The following HEATR5A variants were observed in gnomAD, a reference collection of about 807,000 sequenced individuals.
HEATR5A encodes HEAT repeat containing 5A.
Under a neutral mutation model 218.8 loss-of-function variants are expected in HEATR5A, and 178 were observed. The ratio of observed to expected loss-of-function variants is 0.81; its 90% CI spans 0.72 to 0.92. HEATR5A has a LOEUF of 0.92. HEATR5A is among the 40% of genes least tolerant of loss of function. HEATR5A has a pLI of 0.00. For synonymous variants in HEATR5A, 864 were observed against 871.6 expected (o/e 0.99, Z 0.15); for missense variants, 2,420 against 2,418.9 (o/e 1.00, Z -0.01).
At chr14:31,370,706 T>C (rs150367740) in intron 13 of HEATR5A, among the ~76,000 whole-genome samples, 28 of 152,316 alleles carry the variant, frequency 1.8e-4, no homozygotes, top group Non-Finnish European at 4.0e-4. Context: ...AGAATCAATA[T>C]GTTGTTGTAT....
intron 20 of HEATR5A, among the ~76,000 whole-genome samples, 200 bp from the exon 21 acceptor site, chr14:31,344,265 A>ATTTTTTTTTTTTTT (rs1245011736): frequency 3.6e-5 from 2 of 54,922 alleles, no homozygotes; most frequent in African/African-American, 4.8e-5. Context: ...TAGATTAGTT[A>ATTTTTTTTTTTTTT]TTCTTTTTTT....
At position 31,345,874 on chromosome 14, in the gene HEATR5A, T is replaced by C. The variant is rs1298137269; in HGVS notation, c.2869-598A>G. On this transcript the variant is annotated intron_variant, in intron 19 of 35. Transcript: ENST00000543095. ...ACATAATGTACTGTTTGTACATAGA[T>C]ATGTGCATTTATGGCAGGTGCGCAC... is the stretch of plus-strand genomic sequence containing the variant. Among the ~76,000 whole-genome samples the C allele has an allele frequency of 2.6e-5, 4 of 151,654 alleles. No homozygotes were observed. The South Asian group carries it at 6.3e-4, about 24-fold the overall frequency.
At chr14:31,356,786 G>A (rs533149901) in intron 16 of HEATR5A, among the ~76,000 whole-genome samples, 7 of 152,070 alleles carry the variant, frequency 4.6e-5, no homozygotes, top group Admixed American at 3.9e-4. Context: ...CAATAAATCC[G>A]AAAAGAAAAC....
intron 28 of HEATR5A, among the ~76,000 whole-genome samples, chr14:31,311,463 G>A (rs546425699): frequency 4.0e-5 from 6 of 151,792 alleles, no homozygotes; most frequent in Non-Finnish European, 8.8e-5. Flanking sequence ...CCAGGCTGGA[G>A]TACAGTGGCA....
Position 31,370,711 on chromosome 14 carries a change from T to C in HEATR5A, c.1961+1099A>G, listed in dbSNP as rs890131044. On this transcript the variant is annotated intron_variant, in intron 13 of 35. Coordinates refer to ENST00000543095, the MANE Select transcript of HEATR5A (RefSeq NM_015473.4). ...CATTGACAAGAGAATCAATATGTTGTTGTATATTCACACAATTAAATATTA... is the reference window on the plus strand; with the variant it reads ...CATTGACAAGAGAATCAATATGTTGCTGTATATTCACACAATTAAATATTA... 3.9e-5 allele frequency among the ~76,000 whole-genome samples: 6 copies of C among 152,332 alleles called. 1 individual carries two copies. Among genetic ancestry groups the C allele is most frequent in the Middle Eastern group, 6.8e-3 (2 of 294 alleles).
At chr14:31,349,758 C>A in intron 18 of HEATR5A, 31 bp downstream of exon 18, 2 of 1,482,932 alleles carry the variant, frequency 1.3e-6, no homozygotes, top group East Asian at 4.6e-5. Context: ...TGAAACATAG[C>A]CTCTGAATAT....
chr14:31,398,997 C>G (rs1309078854), intron 3 of HEATR5A, among the ~76,000 whole-genome samples: 1 of 152,048 alleles, frequency 6.6e-6, no homozygotes, highest in Non-Finnish European at 1.5e-5. Context: ...CTAAGAAACA[C>G]TGCCAAAGCC....
intron 6 of HEATR5A, among the ~76,000 whole-genome samples, chr14:31,390,808 GTATT>G (rs1206934409): frequency 2.6e-5 from 4 of 151,394 alleles, no homozygotes; most frequent in Non-Finnish European, 5.9e-5. Flanking sequence ...ACTGGTTTAT[GTATT>G]TATTATACTT....
rs1310171193 is a variant in HEATR5A, at chr14:31,334,960, A to G, written c.3367+2516T>C. Among the ~76,000 whole-genome samples the G allele has an allele frequency of 2.0e-3, 299 of 151,300 alleles. 1 individual carries two copies. The highest frequency in any genetic ancestry group is 4.2e-3 in the South Asian group (20 of 4,794). ...GATTCCATCTCAAAAAAAAAAAAAAAAAAAAGAAAAAGAAATCGCCACAGC... is the reference window on the plus strand; with the variant it reads ...GATTCCATCTCAAAAAAAAAAAAAAGAAAAAGAAAAAGAAATCGCCACAGC... On this transcript the variant is annotated intron_variant, in intron 22 of 35. Transcript: ENST00000543095.
intron 3 of HEATR5A, among the ~76,000 whole-genome samples, chr14:31,400,073 G>A (rs1256435143): frequency 1.3e-5 from 2 of 152,184 alleles, no homozygotes; most frequent in Non-Finnish European, 2.9e-5. Context: ...TTAGGAAGAT[G>A]TTTTGAATCT....
At chr14:31,330,779 A>G (rs1194447987) in intron 22 of HEATR5A, among the ~76,000 whole-genome samples, 1 of 151,374 alleles carries the variant, frequency 6.6e-6, no homozygotes, top group Non-Finnish European at 1.5e-5. Flanking sequence ...CGACAGAGTG[A>G]GACTCTGTCT....
chr14:31,418,647 A>C (rs748155334), intron 1 of HEATR5A, among the ~76,000 whole-genome samples: 2 of 152,228 alleles, frequency 1.3e-5, no homozygotes, highest in African/African-American at 4.8e-5. Context: ...TCTCCTGAAA[A>C]AGCAGAAGTG....
At chr14:31,394,661 A>G (rs2030585203) in intron 5 of HEATR5A, among the ~76,000 whole-genome samples, 1 of 151,796 alleles carries the variant, frequency 6.6e-6, no homozygotes, top group African/African-American at 2.4e-5. Flanking sequence ...TAAAAATACA[A>G]AAAAAAATTA....
At chr14:31,352,657 A>G (rs772970837) in intron 16 of HEATR5A, among the ~76,000 whole-genome samples, 2 of 152,148 alleles carry the variant, frequency 1.3e-5, no homozygotes, top group Admixed American at 6.5e-5. Flanking sequence ...TATAAAATCA[A>G]TTTATAAAAT....
At chr14:31,389,931 A>T (rs527505084) in intron 6 of HEATR5A, among the ~76,000 whole-genome samples, 32 of 152,264 alleles carry the variant, frequency 2.1e-4, no homozygotes, top group Middle Eastern at 3.4e-3. Flanking sequence ...GTGATTAAAA[A>T]CCATGCAGAA....
chr14:31,302,442 C>T lies in HEATR5A; in HGVS notation c.5317G>A (p.Gly1773Ser). The T allele has an allele frequency of 6.3e-7, 1 of 1,597,770 alleles. No individual in the cohort carries two copies. Among genetic ancestry groups the T allele is most frequent in the Non-Finnish European group, 8.5e-7 (1 of 1,171,434 alleles). ...LRETAVKLPGGQLSSTVAASL... is the reference protein window; with the variant it reads ...LRETAVKLPGSQLSSTVAASL... ...GCTGCAACTGTCGAAGATAACTGGC[C>T]CCCAGGTAACTTCACAGCAGTCTCT... The change falls in exon 33 of 36, where the codon GGC (glycine) becomes AGC (serine). Residue 1773 changes from glycine (G) to serine (S), a missense_variant. Physicochemically the swap from Gly to Ser is moderately conservative, Grantham distance 56. Transcript: ENST00000543095.
chr14:31,306,276 G>C (rs1275223713), intron 31 of HEATR5A, among the ~76,000 whole-genome samples: 2 of 152,192 alleles, frequency 1.3e-5, no homozygotes, highest in South Asian at 2.1e-4. Context: ...CCAGGAGTTC[G>C]AGAGACCAGG....
Position 31,383,434 on chromosome 14 carries a change from A to G in HEATR5A, c.1596+87T>C, listed in dbSNP as rs925768709. 8 of 1,302,354 alleles carry G rather than the reference A, an allele frequency of 6.1e-6. No individual in the cohort carries two copies. The African/African-American group carries it at 1.0e-4, about 17-fold the overall frequency. The allele number at this position is 1,302,354 out of a possible 1,614,324, so 80.7% of individuals were successfully genotyped here. ...CAGGGCTAGATGTACAGCAAAATAA[A>G]GCATTCAGTAACAAATTCTGTTACT... On this transcript the variant is annotated intron_variant, in intron 10 of 35. Transcript: ENST00000543095.
rs1289609421 is a variant in HEATR5A at position 31,347,744 on chromosome 14, C to A, written c.2868+4G>T. 6.4e-7 allele frequency: 1 copy of A among 1,574,160 alleles called. No homozygotes were observed. Among genetic ancestry groups the A allele is most frequent in the African/African-American group, 1.4e-5 (1 of 73,256 alleles). On this transcript the variant is annotated splice_donor_region_variant and intron_variant, in intron 19 of 35. Coordinates refer to ENST00000543095, the MANE Select transcript of HEATR5A (RefSeq NM_015473.4). The stretch of plus-strand genomic sequence containing the variant: ...TCAAGGGAAGTATCACATGAGGTAC[C>A]CACCTGCACATCAGGAGAAGTGCTG...
Sources: allele counts gnomAD v4.1 joint callset (sites outside exome capture counted in the v4.1 genomes callset), GRCh38; gene constraint gnomAD v4.1.1; transcripts MANE v1.5; gene names NCBI Gene and HGNC (gene_info 2026-07-23, HGNC 2026-07-21).